CES5A: variants seen among roughly 807,000 people sequenced by gnomAD.
CES5A encodes the protein carboxylesterase 5.
CES5A carries 67 observed loss-of-function variants against 62.9 expected under a neutral mutation model. The observed-to-expected ratio is 1.07, with a 90% CI of 0.88 to 1.31. The LOEUF is 1.31. Ranked by LOEUF, CES5A falls within the 50% of genes most tolerant of loss-of-function variation. The probability of loss-of-function intolerance (pLI) is 0.00; values close to 1 mark genes in which losing one functional copy is unlikely to be tolerated. For synonymous variants in CES5A, 296 were observed against 280.8 expected (o/e 1.05, Z -0.54); for missense variants, 748 against 708.5 (o/e 1.06, Z -0.63).
exon 1 of CES5A, chr16:55,956,018 T>C: frequency 1.1e-6 from 1 of 950,224 alleles, no homozygotes; most frequent in Non-Finnish European, 1.6e-6. Flanking sequence ...CACTTTCCTC[T>C]ACCGTTGCCA....
rs139759367 is a variant in CES5A, at chr16:55,849,640, C to A, written c.1407G>T (p.Gly469=). ...RFVFGGAFLK[G]DIVMFEGATE... is the part of the protein sequence containing the mutation. The stretch of plus-strand genomic sequence containing the variant: ...GTCCCTTACCGAACATAACAATGTC[C>A]CCCTTCAGGAAGGCACCACCGAACA... Residue 469 remains glycine (G), a synonymous_variant, in exon 11 of 13, where the codon GGG becomes GGT. Coordinates refer to ENST00000290567, the MANE Select transcript of CES5A (RefSeq NM_001143685.2). 2.2e-3 allele frequency: 3,563 copies of A among 1,613,914 alleles called. 62 individuals carry two copies. The South Asian group carries it at 0.027, about 12-fold the overall frequency.
chr16:55,870,534 C>G (rs1225395271), intron 3 of CES5A, among the ~76,000 whole-genome samples: 5 of 152,092 alleles, frequency 3.3e-5, no homozygotes, highest in African/African-American at 1.2e-4. Context: ...AAGCCTGTCT[C>G]TACTAAACAA....
rs898466060 is a variant in CES5A, at chr16:55,884,229, T to C, written c.-255-10192A>G. On this transcript the variant is annotated intron_variant, in intron 1 of 12. Coordinates refer to the CES5A transcript ENST00000518005. ...TGAGCAAAGATTTGTGGCATTTTACTGGGACAGCTTCCCTCAGCCTTGTGC... is the reference window on the plus strand; with the variant it reads ...TGAGCAAAGATTTGTGGCATTTTACCGGGACAGCTTCCCTCAGCCTTGTGC... 2.6e-5 allele frequency among the ~76,000 whole-genome samples: 4 copies of C among 152,250 alleles called. No individual in the cohort carries two copies. The South Asian group carries it at 6.2e-4, about 24-fold the overall frequency.
chr16:55,869,584 G>A, intron 4 of CES5A, 27 bp downstream of exon 4: 16 of 1,610,684 alleles, frequency 9.9e-6, no homozygotes, highest in Non-Finnish European at 1.4e-5. Flanking sequence ...TGGGGATCTG[G>A]GATGTCCATC....
intron 2 of CES5A, among the ~76,000 whole-genome samples, chr16:55,942,071 C>G (rs2034451817): frequency 6.6e-6 from 1 of 152,122 alleles, no homozygotes. Flanking sequence ...CATACACAAA[C>G]ATAAATTAAG....
At chr16:55,932,453 A>C (rs1277514365) in intron 2 of CES5A, among the ~76,000 whole-genome samples, 1 of 151,952 alleles carries the variant, frequency 6.6e-6, no homozygotes, top group Admixed American at 6.6e-5. Context: ...GATGAGACAA[A>C]GAGTAAATAT....
chr16:55,909,153 C>T (rs1331277072), intron 1 of CES5A, among the ~76,000 whole-genome samples: 1 of 152,200 alleles, frequency 6.6e-6, no homozygotes, highest in East Asian at 1.9e-4. Context: ...CTCCTTACCT[C>T]TGAGAGACAC....
At chr16:55,946,146 T>C (rs2034492723) in intron 2 of CES5A, among the ~76,000 whole-genome samples, 1 of 152,186 alleles carries the variant, frequency 6.6e-6, no homozygotes. Flanking sequence ...TAAAGTAACT[T>C]CTCCCTTGAC....
upstream of CES5A, among the ~76,000 whole-genome samples, chr16:55,926,096 AT>A: frequency 6.6e-6 from 1 of 152,300 alleles, no homozygotes; most frequent in East Asian, 1.9e-4. Flanking sequence ...TCTATCATAC[AT>A]TTTTAAATAG....
At chr16:55,908,139 C>T (rs2034056980) in intron 1 of CES5A, among the ~76,000 whole-genome samples, 1 of 152,162 alleles carries the variant, frequency 6.6e-6, no homozygotes, top group Non-Finnish European at 1.5e-5. Flanking sequence ...ATTTGCTCCC[C>T]TCTAGCCCCC....
At chr16:55,944,967 A>C (rs1216985181) in intron 2 of CES5A, among the ~76,000 whole-genome samples, 1 of 152,168 alleles carries the variant, frequency 6.6e-6, no homozygotes, top group Non-Finnish European at 1.5e-5. Context: ...ATGAGTTCAA[A>C]TCCGCCTCTG....
chr16:55,883,358 A>G (rs1481762366), intron 1 of CES5A, among the ~76,000 whole-genome samples: 1 of 151,898 alleles, frequency 6.6e-6, no homozygotes. Context: ...TGCAACCTCC[A>G]CCTCCTGGGT....
At chr16:55,906,886 AC>A (rs1216531120) in intron 1 of CES5A, among the ~76,000 whole-genome samples, 2 of 152,206 alleles carry the variant, frequency 1.3e-5, no homozygotes, top group Non-Finnish European at 2.9e-5. Flanking sequence ...AGATGAATCG[AC>A]AGTCCCACCT....
At chr16:55,853,558 C>T (rs2033174219) in intron 9 of CES5A, among the ~76,000 whole-genome samples, 1 of 152,192 alleles carries the variant, frequency 6.6e-6, no homozygotes, top group Non-Finnish European at 1.5e-5. Context: ...ATTATCTTAC[C>T]TAAGCTAGTT....
At chr16:55,891,005 CCTGCTCCACCCTGACTCATTCCGATTAT>C (rs1413373391) in intron 1 of CES5A, among the ~76,000 whole-genome samples, 17 of 152,022 alleles carry the variant, frequency 1.1e-4, no homozygotes, top group African/African-American at 2.2e-4. Context: ...ATTCCGATTA[CCTGCTCCACCCTGACTCATTCCGATTAT>C]CTGCTCCACC....
At chr16:55,883,224 G>A (rs2033780105) in intron 1 of CES5A, among the ~76,000 whole-genome samples, 1 of 152,102 alleles carries the variant, frequency 6.6e-6, no homozygotes, top group African/African-American at 2.4e-5. Context: ...GAATCGAATG[G>A]AATTGTGAAA....
intron 1 of CES5A, among the ~76,000 whole-genome samples, chr16:55,889,662 T>A (rs2033854538): frequency 6.6e-6 from 1 of 151,600 alleles, no homozygotes; most frequent in Non-Finnish European, 1.5e-5. Flanking sequence ...CCCAGTCCTT[T>A]TTTTTTTTAA....
chr16:55,875,432 T>G, upstream of CES5A: 2 of 1,218,076 alleles, frequency 1.6e-6, no homozygotes, highest in South Asian at 3.9e-5. Flanking sequence ...AAGAAGCTGA[T>G]GATTAACTAT....
At chr16:55,945,457 C>A (rs2034485176) in intron 2 of CES5A, among the ~76,000 whole-genome samples, 1 of 152,244 alleles carries the variant, frequency 6.6e-6, no homozygotes, top group African/African-American at 2.4e-5. Context: ...AGCAGACCTG[C>A]AGACTATACG....
Sources: gnomAD v4.1 joint callset for allele counts (sites outside exome capture counted in the v4.1 genomes callset) on GRCh38, gnomAD v4.1.1 for gene constraint, MANE v1.5 for transcripts, NCBI Gene and HGNC (gene_info 2026-07-23, HGNC 2026-07-21) for gene names.